FTO: variants seen among roughly 807,000 people sequenced by gnomAD.
FTO encodes the protein FTO alpha-ketoglutarate dependent dioxygenase, also known as alpha-ketoglutarate-dependent dioxygenase FTO.
Under a neutral mutation model 63.9 loss-of-function variants are expected in FTO, and 47 were observed. The observed-to-expected ratio is 0.74, with a 90% CI of 0.58 to 0.94. FTO has a LOEUF of 0.94. FTO is among the 40% of genes least tolerant of loss of function. The probability of loss-of-function intolerance (pLI) is 0.00; values close to 1 mark genes in which losing one functional copy is unlikely to be tolerated. For missense variants in FTO, 562 were observed against 618.1 expected (o/e 0.91, Z 0.96); for synonymous variants, 207 against 224.4 (o/e 0.92, Z 0.69).
At chr16:53,972,256 A>AGTATTGGAAATTTCCAGTACTT (rs1158061179) in intron 8 of FTO, among the ~76,000 whole-genome samples, 7 of 152,136 alleles carry the variant, frequency 4.6e-5, no homozygotes, top group African/African-American at 1.7e-4. Context: ...TAAGGCTCGG[A>AGTATTGGAAATTTCCAGTACTT]GTATTGGAAA....
At chr16:54,094,582 G>C (rs2086470662) in intron 8 of FTO, among the ~76,000 whole-genome samples, 1 of 152,232 alleles carries the variant, frequency 6.6e-6, no homozygotes, top group African/African-American at 2.4e-5. Flanking sequence ...TTGGATGTGT[G>C]TTGAGTTCTG....
chr16:53,822,355 C>T (rs996214696), intron 2 of FTO, among the ~76,000 whole-genome samples: 2 of 152,174 alleles, frequency 1.3e-5, no homozygotes, highest in Non-Finnish European at 2.9e-5. Context: ...TATCTTCTCT[C>T]CTATCCACAT....
chr16:53,950,297 C>T (rs971586848), intron 8 of FTO, among the ~76,000 whole-genome samples: 2 of 151,734 alleles, frequency 1.3e-5, no homozygotes, highest in Admixed American at 6.6e-5. Flanking sequence ...TGTCTTCAAG[C>T]GTCAAAAAGC....
chr16:53,906,401 C>T (rs1007118530), intron 7 of FTO, among the ~76,000 whole-genome samples: 9 of 152,100 alleles, frequency 5.9e-5, no homozygotes, highest in East Asian at 1.9e-4. Flanking sequence ...AACAGATTAG[C>T]GAATGAACAG....
rs539266518 is a variant in FTO at position 54,038,442 on chromosome 16, A to G, written c.1365-73320A>G. The stretch of plus-strand genomic sequence containing the variant: ...TGGAAAGTGCCTCCCCCACCTTCCC[A>G]GGAGCCTCACTGTCTACCTCTGATG... On this transcript the variant is annotated intron_variant, in intron 8 of 8. Transcript: ENST00000471389. Among the ~76,000 whole-genome samples, 12 of 152,286 alleles carry G rather than the reference A, an allele frequency of 7.9e-5. No homozygotes were observed. The South Asian group carries it at 2.5e-3, about 32-fold the overall frequency.
chr16:54,109,959 C>G (rs1446194969), intron 8 of FTO, among the ~76,000 whole-genome samples: 2 of 152,192 alleles, frequency 1.3e-5, no homozygotes, highest in East Asian at 3.8e-4. Flanking sequence ...GAATAACTTT[C>G]CCTACCCAGT....
chr16:53,831,551 A>G (rs1341196947), intron 3 of FTO, among the ~76,000 whole-genome samples: 1 of 152,222 alleles, frequency 6.6e-6, no homozygotes, highest in Admixed American at 6.5e-5. Flanking sequence ...ACTATTTGCT[A>G]GTCAGTTGTC....
At chr16:53,780,705 A>T (rs1198994793) in intron 1 of FTO, among the ~76,000 whole-genome samples, 4 of 152,164 alleles carry the variant, frequency 2.6e-5, no homozygotes, top group Non-Finnish European at 5.9e-5. Context: ...AAATCGCTTG[A>T]TGCAGTGCAG....
chr16:53,872,332 G>A (rs1053394358), intron 4 of FTO, among the ~76,000 whole-genome samples: 3 of 152,198 alleles, frequency 2.0e-5, no homozygotes, highest in Non-Finnish European at 2.9e-5. Flanking sequence ...CCTGCAGTCT[G>A]TTTGCTGTCT....
At chr16:53,861,509 G>A (rs1332742663) in intron 4 of FTO, among the ~76,000 whole-genome samples, 2 of 152,002 alleles carry the variant, frequency 1.3e-5, no homozygotes, top group East Asian at 3.9e-4. Context: ...TTTCTGTTGA[G>A]GTGTTAGTGT....
At chr16:53,904,493 G>A (rs185272643) in intron 7 of FTO, among the ~76,000 whole-genome samples, 3 of 152,302 alleles carry the variant, frequency 2.0e-5, no homozygotes, top group African/African-American at 7.2e-5. Flanking sequence ...CTTTCACCAT[G>A]GACTTGTGCG....
chr16:53,870,840 A>C (rs988540208), intron 4 of FTO, among the ~76,000 whole-genome samples: 3 of 152,176 alleles, frequency 2.0e-5, no homozygotes, highest in Admixed American at 6.5e-5. Context: ...GAATTTCATA[A>C]CTATTCTTAT....
In FTO at chr16:54,112,025, A is replaced by G. The variant is rs745847276; in HGVS notation, c.*110A>G. On this transcript the variant is annotated 3_prime_UTR_variant, in exon 9 of 9. Transcript: ENST00000471389. Reference sequence around the variant, plus strand: ...AGACTTCTCTTGGCCCCTAGATTGTAGCACCCGGGTCCCAATCCAAAACAG... The same window carrying G: ...AGACTTCTCTTGGCCCCTAGATTGTGGCACCCGGGTCCCAATCCAAAACAG... The G allele has an allele frequency of 8.4e-7, 1 of 1,189,084 alleles. No individual in the cohort carries two copies. Among genetic ancestry groups the G allele is most frequent in the East Asian group, 2.3e-5 (1 of 42,796 alleles). 73.7% of individuals were successfully genotyped at this position (1,189,084 alleles called of 1,614,324 possible).
At chr16:53,928,201 A>T (rs760320246) in intron 7 of FTO, among the ~76,000 whole-genome samples, 7 of 152,098 alleles carry the variant, frequency 4.6e-5, no homozygotes, top group Non-Finnish European at 1.0e-4. Flanking sequence ...ATAGATTTCT[A>T]TTGAAAAAAA....
intron 1 of FTO, among the ~76,000 whole-genome samples, chr16:53,779,728 A>G (rs1162206754): frequency 2.0e-5 from 3 of 152,254 alleles, no homozygotes; most frequent in Admixed American, 1.3e-4. Context: ...CATTATATCC[A>G]TTAATTTATA....
At chr16:54,091,350 C>T (rs920930512) in intron 8 of FTO, among the ~76,000 whole-genome samples, 3 of 152,098 alleles carry the variant, frequency 2.0e-5, no homozygotes, top group Non-Finnish European at 1.5e-5. Flanking sequence ...TCAAGACCAG[C>T]CTGAGCAACA....
intron 1 of FTO, among the ~76,000 whole-genome samples, chr16:53,778,847 T>C (rs980242216): frequency 7.3e-6 from 1 of 136,158 alleles, no homozygotes; most frequent in Non-Finnish European, 1.6e-5. Context: ...CCTAAATCAA[T>C]GTGATTGTGG....
In FTO at chr16:54,118,568, G is replaced by A. The variant is rs1446268078; in HGVS notation, c.*6653G>A. ...GGATTTCACCACATTACACAGGCTG[G>A]TTTCAAACTCCGAGGCTCAAGTGAT... On this transcript the variant is annotated 3_prime_UTR_variant, in exon 9 of 9. Transcript: ENST00000471389. 2 of 152,066 alleles carry A rather than the reference G, an allele frequency of 1.3e-5. No individual in the cohort carries two copies. Among genetic ancestry groups the A allele is most frequent in the Non-Finnish European group, 2.9e-5 (2 of 68,038 alleles). The allele number at this position is 152,066 out of a possible 1,614,324, so 9.4% of individuals were successfully genotyped here.
At chr16:53,747,274 C>T (rs2076672149) in intron 1 of FTO, among the ~76,000 whole-genome samples, 1 of 152,122 alleles carries the variant, frequency 6.6e-6, no homozygotes, top group African/African-American at 2.4e-5. Flanking sequence ...TTTTTGAGAA[C>T]TCCATAATTG....
Sources: allele counts gnomAD v4.1 joint callset (sites outside exome capture counted in the v4.1 genomes callset), GRCh38; gene constraint gnomAD v4.1.1; transcripts MANE v1.5; gene names NCBI Gene and HGNC (gene_info 2026-07-23, HGNC 2026-07-21).